The following IFT43 variants were observed in gnomAD, a reference collection of about 807,000 sequenced individuals.
IFT43 encodes the protein intraflagellar transport 43.
Under a neutral mutation model 32.3 loss-of-function variants are expected in IFT43, and 33 were observed. The observed-to-expected ratio is 1.02, with a 90% CI of 0.77 to 1.37. The LOEUF (loss-of-function observed/expected upper bound fraction) is 1.37, where lower values mean the gene tolerates loss of function less well. IFT43 is among the 40% of genes most tolerant of loss of function. The pLI is 0.00. For synonymous variants in IFT43, 93 were observed against 98.2 expected (o/e 0.95, Z 0.31); for missense variants, 274 against 265.9 (o/e 1.03, Z -0.21).
chr14:76,045,266 C>T (rs976721662), intron 3 of IFT43, among the ~76,000 whole-genome samples: 2 of 152,322 alleles, frequency 1.3e-5, no homozygotes, highest in African/African-American at 4.8e-5. Flanking sequence ...ACCTTTTTCT[C>T]TAGCAGATAC....
At chr14:76,032,175 T>C (rs1259209880) in intron 3 of IFT43, among the ~76,000 whole-genome samples, 4 of 152,172 alleles carry the variant, frequency 2.6e-5, no homozygotes, top group Non-Finnish European at 5.9e-5. Context: ...CTCCTCTCTT[T>C]ATATCACCCT....
At chr14:76,026,905 A>G (rs1376210243) in intron 3 of IFT43, among the ~76,000 whole-genome samples, 1 of 152,228 alleles carries the variant, frequency 6.6e-6, no homozygotes, top group Admixed American at 6.5e-5. Flanking sequence ...GTAGCCAAAA[A>G]AAAGAACAAG....
chr14:76,070,318 G>T (rs1249554776), intron 5 of IFT43, among the ~76,000 whole-genome samples: 1 of 152,048 alleles, frequency 6.6e-6, no homozygotes, highest in Non-Finnish European at 1.5e-5. Flanking sequence ...AATTCTTTCA[G>T]CATATCCTTC....
intron 3 of IFT43, among the ~76,000 whole-genome samples, chr14:76,046,367 G>A (rs1277445843): frequency 6.6e-6 from 1 of 152,144 alleles, no homozygotes; most frequent in Admixed American, 6.5e-5. Flanking sequence ...GCGAGGGCAG[G>A]CTGCTGGACT....
At chr14:76,075,606 T>C (rs3813548) in intron 5 of IFT43, among the ~76,000 whole-genome samples, 53,067 of 152,198 alleles carry the variant, frequency 0.35, 9,370 homozygotes, top group African/African-American at 0.4. Context: ...ATGAAATGCA[T>C]GGAGTGTCCA....
At chr14:76,033,830 G>A (rs1198980469) in intron 3 of IFT43, among the ~76,000 whole-genome samples, 1 of 152,176 alleles carries the variant, frequency 6.6e-6, no homozygotes, top group African/African-American at 2.4e-5. Flanking sequence ...GAGCATATTG[G>A]CAGAAGGTGC....
chr14:76,031,721 T>C (rs2030413086), intron 3 of IFT43, among the ~76,000 whole-genome samples: 1 of 152,220 alleles, frequency 6.6e-6, no homozygotes, highest in Non-Finnish European at 1.5e-5. Flanking sequence ...ATCCATTTCC[T>C]CTTGGAGAAA....
intron 3 of IFT43, among the ~76,000 whole-genome samples, chr14:76,025,584 G>A (rs1350673335): frequency 1.3e-5 from 2 of 152,006 alleles, no homozygotes; most frequent in South Asian, 4.2e-4. Context: ...AACCAAAACG[G>A]CATGGTACTG....
At chr14:75,999,419 C>T (rs2139892954) in intron 2 of IFT43, among the ~76,000 whole-genome samples, 1 of 149,824 alleles carries the variant, frequency 6.7e-6, no homozygotes, top group South Asian at 2.1e-4. Context: ...TGAGCCATCA[C>T]ACCTGGCACA....
At chr14:76,059,597 A>G in intron 5 of IFT43, 1 of 552,666 alleles carries the variant, frequency 1.8e-6, no homozygotes, top group Non-Finnish European at 3.3e-6. Context: ...TCAAAAGGTC[A>G]GCCAAAGCAT....
intron 3 of IFT43, among the ~76,000 whole-genome samples, chr14:76,042,944 C>A (rs1429533622): frequency 6.6e-6 from 1 of 152,216 alleles, no homozygotes; most frequent in Non-Finnish European, 1.5e-5. Flanking sequence ...GCCACCTTCT[C>A]TTATTGGGCC....
intron 3 of IFT43, chr14:76,058,368 A>G: frequency 5.0e-6 from 2 of 400,878 alleles, no homozygotes; most frequent in Non-Finnish European, 9.4e-6. Context: ...AATCATCTGT[A>G]TCTATTTGAA....
rs868099738 is a variant in IFT43 at position 75,999,249 on chromosome 14, A to T, written c.147+10272A>T. On this transcript the variant is annotated intron_variant, in intron 2 of 8. Transcript: ENST00000314067. ...ATTTTATATATATATATATATATATATATATATATATATATATATATATGT... is the reference window on the plus strand; with the variant it reads ...ATTTTATATATATATATATATATATTTATATATATATATATATATATATGT... Among the ~76,000 whole-genome samples the T allele has an allele frequency of 2.6e-3, 36 of 13,776 alleles. 1 individual carries two copies. The highest frequency in any genetic ancestry group is 8.0e-3 in the African/African-American group (21 of 2,612). The allele number at this position is 13,776 out of a possible 152,430, so 9.0% of individuals were successfully genotyped here.
intron 2 of IFT43, among the ~76,000 whole-genome samples, chr14:75,993,499 G>A (rs914721086): frequency 3.9e-5 from 6 of 152,136 alleles, no homozygotes; most frequent in African/African-American, 9.7e-5. Context: ...TCCCATTTCC[G>A]TCTGAATTGA....
chr14:76,083,314 G>A (rs572918662), intron 8 of IFT43, 25 bp downstream of exon 8: 85 of 1,610,336 alleles, frequency 5.3e-5, no homozygotes, highest in Non-Finnish European at 6.2e-5. Context: ...GCAATTCCCC[G>A]GTCTCTCAGC....
intron 2 of IFT43, among the ~76,000 whole-genome samples, chr14:75,990,633 G>C (rs113804906): frequency 6.6e-6 from 1 of 152,170 alleles, no homozygotes; most frequent in South Asian, 2.1e-4. Context: ...GGGCAGGGAG[G>C]TTGGGAGGCG....
intron 3 of IFT43, among the ~76,000 whole-genome samples, chr14:76,024,943 A>T (rs906609825): frequency 3.3e-5 from 5 of 152,196 alleles, no homozygotes; most frequent in African/African-American, 1.2e-4. Flanking sequence ...TTATGGATGA[A>T]ATAAGTGGAG....
chr14:75,987,671 A>G (rs2035554941), intron 1 of IFT43, among the ~76,000 whole-genome samples: 1 of 152,210 alleles, frequency 6.6e-6, no homozygotes, highest in Non-Finnish European at 1.5e-5. Flanking sequence ...TTTTTTTTAA[A>G]CAAAGTAAGC....
At position 76,021,141 on chromosome 14, in the gene IFT43, G is replaced by A. The variant is rs375726756; in HGVS notation, c.148-1186G>A. Among the ~76,000 whole-genome samples, 15 of 152,074 alleles carry A rather than the reference G, an allele frequency of 9.9e-5. No homozygotes were observed. In the East Asian group the frequency reaches 2.9e-3, roughly 29 times the overall value. The stretch of plus-strand genomic sequence containing the variant: ...CATGTGTGTGCTGGCAGTGGTGGTG[G>A]TGGGTGGGGTCAGCCTATCCTCAGG... On this transcript the variant is annotated intron_variant, in intron 2 of 8. Coordinates refer to ENST00000314067, the MANE Select transcript of IFT43 (RefSeq NM_001102564.3).
Sources: gnomAD v4.1 joint callset for allele counts (sites outside exome capture counted in the v4.1 genomes callset) on GRCh38, gnomAD v4.1.1 for gene constraint, MANE v1.5 for transcripts, NCBI Gene and HGNC (gene_info 2026-07-23, HGNC 2026-07-21) for gene names.